NADSYN1: variants seen among roughly 807,000 people sequenced by gnomAD.
The protein encoded by NADSYN1 is glutamine-dependent NAD(+) synthetase.
NADSYN1 carries 80 observed loss-of-function variants against 99.3 expected under a neutral mutation model. The ratio of observed to expected loss-of-function variants is 0.81; its 90% CI spans 0.67 to 0.97. NADSYN1 has a LOEUF of 0.97. NADSYN1 is among the 50% of genes least tolerant of loss of function. The pLI is 0.00. For missense variants in NADSYN1, 859 were observed against 948.5 expected (o/e 0.91, Z 1.24); for synonymous variants, 385 against 372.1 (o/e 1.03, Z -0.40).
In NADSYN1 at chr11:71,485,617, C is replaced by T. The variant is rs1949737101; in HGVS notation, c.1531C>T (p.Leu511Phe). The change falls in exon 16 of 21, where the codon CTC (leucine) becomes TTC (phenylalanine). Residue 511 changes from leucine (L) to phenylalanine (F), a missense_variant. Coordinates refer to ENST00000319023, the MANE Select transcript of NADSYN1 (RefSeq NM_018161.5). ...LWSRGVHGGLLVLGSANVDES... is the reference protein window; with the variant it reads ...LWSRGVHGGLFVLGSANVDES... Reference sequence around the variant, plus strand: ...GTCTCGGGGTGTCCACGGTGGGCTCCTCGTGCTGGGATCCGCCAACGTGGA... The same window carrying T: ...GTCTCGGGGTGTCCACGGTGGGCTCTTCGTGCTGGGATCCGCCAACGTGGA... 6.4e-7 allele frequency: 1 copy of T among 1,558,828 alleles called. No individual in the cohort carries two copies. The highest frequency in any genetic ancestry group is 1.9e-5 in the Admixed American group (1 of 51,624).
At chr11:71,463,561 G>A (rs749515657) in intron 4 of NADSYN1, 76 bp downstream of exon 4, 39 of 1,424,196 alleles carry the variant, frequency 2.7e-5, no homozygotes, top group South Asian at 2.7e-4. Context: ...GCCAGGACCC[G>A]TGCTGGTGCC....
At chr11:71,455,782 T>C (rs187630546) in intron 2 of NADSYN1, among the ~76,000 whole-genome samples, 3 of 152,380 alleles carry the variant, frequency 2.0e-5, no homozygotes, top group Admixed American at 1.3e-4. Flanking sequence ...TGTTTTGTTA[T>C]AGCAGGCTGA....
chr11:71,480,627 G>A, intron 10 of NADSYN1, 128 bp from the exon 11 acceptor site: 1 of 1,384,036 alleles, frequency 7.2e-7, no homozygotes. Context: ...GTGGGAGTGA[G>A]GGTGGCCTCA....
intron 5 of NADSYN1, among the ~76,000 whole-genome samples, chr11:71,470,417 G>A (rs536345052): frequency 5.6e-4 from 86 of 152,266 alleles, no homozygotes; most frequent in Non-Finnish European, 1.0e-3. Flanking sequence ...AGCAGCGCAC[G>A]CTGGGGGCTC....
intron 20 of NADSYN1, 64 bp from the exon 21 acceptor site, chr11:71,501,238 A>G (rs942293147): frequency 1.6e-5 from 22 of 1,412,222 alleles, no homozygotes; most frequent in Admixed American, 2.8e-5. Flanking sequence ...GGTGCGTGCC[A>G]GTGTTTCAAC....
intron 5 of NADSYN1, among the ~76,000 whole-genome samples, chr11:71,470,464 A>T (rs895116042): frequency 9.2e-5 from 14 of 152,242 alleles, no homozygotes; most frequent in African/African-American, 3.4e-4. Flanking sequence ...TCACCTGGGT[A>T]CTGTGTGCAC....
Position 71,484,462 on chromosome 11 carries a change from G to A in NADSYN1, c.1455+15G>A, listed in dbSNP as rs1458613304. ...AAAATGTGCAGGTGCCCCCGCCTGGGCCGGCGTCCCCTGGGGGTGGGGGTG... is the reference window on the plus strand; with the variant it reads ...AAAATGTGCAGGTGCCCCCGCCTGGACCGGCGTCCCCTGGGGGTGGGGGTG... On this transcript the variant is annotated intron_variant, in intron 15 of 20. Coordinates refer to ENST00000319023, the MANE Select transcript of NADSYN1 (RefSeq NM_018161.5). 4 of 1,609,672 alleles carry A rather than the reference G, an allele frequency of 2.5e-6. No homozygotes were observed. Among genetic ancestry groups the A allele is most frequent in the African/African-American group, 1.3e-5 (1 of 74,900 alleles).
intron 9 of NADSYN1, chr11:71,476,228 C>T (rs533579564): frequency 6.8e-5 from 27 of 395,994 alleles, no homozygotes; most frequent in East Asian, 4.4e-4. Context: ...TTGGACCCGA[C>T]GGCCTTCCAC....
chr11:71,478,333 A>G, intron 9 of NADSYN1, 62 bp from the exon 10 acceptor site: 2 of 1,414,586 alleles, frequency 1.4e-6, no homozygotes, highest in South Asian at 2.4e-5. Context: ...CAGTGGCCAA[A>G]TTACACGTGG....
intron 20 of NADSYN1, among the ~76,000 whole-genome samples, chr11:71,500,771 T>G (rs1949851844): frequency 6.6e-6 from 1 of 152,208 alleles, no homozygotes; most frequent in Non-Finnish European, 1.5e-5. Context: ...TATCCCCTGC[T>G]GTGGCTGGAC....
chr11:71,484,841 A>T (rs1949731851), intron 15 of NADSYN1: 1 of 211,496 alleles, frequency 4.7e-6, no homozygotes, highest in Non-Finnish European at 9.7e-6. Flanking sequence ...GAATGTATGC[A>T]CAAGTGTGGG....
chr11:71,494,208 C>G (rs922851583), intron 18 of NADSYN1, among the ~76,000 whole-genome samples: 1 of 152,242 alleles, frequency 6.6e-6, no homozygotes, highest in African/African-American at 2.4e-5. Context: ...CTGCAAGCTC[C>G]AGTCCTGGGA....
At chr11:71,481,226 A>G (rs1412219053) in intron 11 of NADSYN1, 130 bp from the exon 12 acceptor site, 4 of 910,638 alleles carry the variant, frequency 4.4e-6, no homozygotes, top group Non-Finnish European at 5.3e-6. Flanking sequence ...TGCCTAAAGC[A>G]GAGACGGGCG....
At chr11:71,484,472 C>G (rs201522982) in intron 15 of NADSYN1, 25 bp downstream of exon 15, 3 of 1,604,716 alleles carry the variant, frequency 1.9e-6, no homozygotes, top group Non-Finnish European at 2.6e-6. Flanking sequence ...GCCGGCGTCC[C>G]CTGGGGGTGG....
rs796210991 is a variant in NADSYN1, at chr11:71,486,429, A to G, written c.1562+781A>G. On this transcript the variant is annotated intron_variant, in intron 16 of 20. Coordinates refer to ENST00000319023, the MANE Select transcript of NADSYN1 (RefSeq NM_018161.5). ...CATCTGTCTGTCCATCCATTCATCC[A>G]TCCATCCACCCATCCACCCATCTGT... Among the ~76,000 whole-genome samples, 11 of 151,922 alleles carry G rather than the reference A, an allele frequency of 7.2e-5. 1 individual carries two copies. The highest frequency in any genetic ancestry group is 2.7e-4 in the African/African-American group (11 of 41,414).
chr11:71,465,455 C>T (rs1949581659), intron 5 of NADSYN1, among the ~76,000 whole-genome samples: 1 of 152,206 alleles, frequency 6.6e-6, no homozygotes, highest in Admixed American at 6.5e-5. Context: ...TCTCAGTCAT[C>T]AATCAGGGAT....
chr11:71,488,785 A>T (rs961360444), intron 16 of NADSYN1, among the ~76,000 whole-genome samples: 9 of 152,030 alleles, frequency 5.9e-5, no homozygotes, highest in Non-Finnish European at 1.0e-4. Context: ...AGTAGATGGG[A>T]CTGTAGGCAT....
At chr11:71,485,421 C>G in intron 15 of NADSYN1, 121 bp from the exon 16 acceptor site, 3 of 736,948 alleles carry the variant, frequency 4.1e-6, no homozygotes, top group Non-Finnish European at 4.3e-6. Context: ...TCTGATGTTC[C>G]CCGAACGCTA....
intron 2 of NADSYN1, among the ~76,000 whole-genome samples, chr11:71,457,760 G>A (rs1004619510): frequency 2.0e-5 from 3 of 152,078 alleles, no homozygotes; most frequent in South Asian, 4.1e-4. Context: ...CTCTGCCTCC[G>A]TCCTCATGTT....
Sources: allele counts gnomAD v4.1 joint callset (sites outside exome capture counted in the v4.1 genomes callset), GRCh38; gene constraint gnomAD v4.1.1; transcripts MANE v1.5; gene names NCBI Gene and HGNC (gene_info 2026-07-23, HGNC 2026-07-21).